Variants in TGFBRAP1 observed in about 807,000 individuals in gnomAD.
TGFBRAP1 encodes transforming growth factor beta receptor associated protein 1.
TGFBRAP1 carries 20 observed loss-of-function variants against 83.2 expected under a neutral mutation model. The ratio of observed to expected loss-of-function variants is 0.24; its 90% confidence interval spans 0.17 to 0.35. TGFBRAP1 has a LOEUF of 0.35. Among genes scored for constraint, TGFBRAP1 ranks in the 10% least tolerant of loss-of-function variants. The probability of loss-of-function intolerance (pLI) is 1.00; values close to 1 mark genes in which losing one functional copy is unlikely to be tolerated. For synonymous variants in TGFBRAP1, 415 were observed against 459.8 expected, an observed-to-expected ratio of 0.90 and a Z score of 1.25; for missense variants, 950 against 1,099.4, an observed-to-expected ratio of 0.86 and a Z score of 1.92.
At chr2:105,306,067 TG>T (rs67017917) in intron 2 of TGFBRAP1, among the ~76,000 whole-genome samples, 22,115 of 126,058 alleles carry the variant, frequency 0.18, 2,212 homozygotes, top group East Asian at 0.39. Context: ...TTTTGTTTTT[TG>T]TTTTTTTTTT....
chr2:105,296,634 G>A, intron 3 of TGFBRAP1, 124 bp from the exon 4 acceptor site: 2 of 1,079,074 alleles, frequency 1.9e-6, no homozygotes, highest in Non-Finnish European at 2.5e-6. Context: ...TTTTCTCAAA[G>A]GAATTCCTAC....
chr2:105,252,055 C>CTTGT, the TGFBRAP1 span, among the ~76,000 whole-genome samples: 2 of 151,044 alleles, frequency 1.3e-5, no homozygotes, highest in Non-Finnish European at 3.0e-5. Context: ...CCTTTGTTCA[C>CTTGT]TTATCTGCTG....
chr2:105,296,173 T>G (rs1678081565), intron 4 of TGFBRAP1, among the ~76,000 whole-genome samples, 183 bp downstream of exon 4: 1 of 152,264 alleles, frequency 6.6e-6, no homozygotes, highest in East Asian at 1.9e-4. Flanking sequence ...ACAAGCTGTT[T>G]GACCGCCCTA....
chr2:105,318,091 A>G (rs539816696), intron 1 of TGFBRAP1, among the ~76,000 whole-genome samples: 1 of 152,314 alleles, frequency 6.6e-6, no homozygotes, highest in Non-Finnish European at 1.5e-5. Flanking sequence ...ATGACTGAGT[A>G]AGCCATGACT....
chr2:105,295,464 A>G (rs182882653), intron 4 of TGFBRAP1, among the ~76,000 whole-genome samples: 2 of 152,332 alleles, frequency 1.3e-5, no homozygotes, highest in African/African-American at 2.4e-5. Context: ...ATTTATATCA[A>G]TTGCATTTAT....
downstream of TGFBRAP1, among the ~76,000 whole-genome samples, chr2:105,262,762 G>A (rs1170584626): frequency 1.3e-5 from 2 of 152,126 alleles, no homozygotes; most frequent in Non-Finnish European, 2.9e-5. Flanking sequence ...TTACGACTCT[G>A]GACTGCAGGC....
At chr2:105,323,756 G>T (rs1384351546) in intron 1 of TGFBRAP1, among the ~76,000 whole-genome samples, 1 of 152,150 alleles carries the variant, frequency 6.6e-6, no homozygotes, top group Non-Finnish European at 1.5e-5. Context: ...TCCCATGGGG[G>T]GTTTGATAGG....
At chr2:105,310,684 C>A (rs1678661628) in intron 1 of TGFBRAP1, among the ~76,000 whole-genome samples, 1 of 152,146 alleles carries the variant, frequency 6.6e-6, no homozygotes. Context: ...TAAACAACAT[C>A]ATGTATTTGT....
rs577434719 is a variant in TGFBRAP1, at chr2:105,308,136, C to T, written c.166G>A (p.Val56Met). The change falls in exon 2 of 12, where the codon GTG becomes ATG. Residue 56 changes from valine (V) to methionine (M), a missense_variant. Val to Met is a conservative substitution (Grantham distance 21). Transcript: ENST00000393359. The stretch of plus-strand genomic sequence containing the variant: ...GTGAACGTGGCTGGCCCAGCAGGCA[C>T]TGGCCTCTCCTCCAACAGGAAGTGG... ...VYHFLLEERP[V>M]PAGPATFTAT... 60 of 1,614,182 alleles carry T rather than the reference C, an allele frequency of 3.7e-5. 1 individual carries two copies. In the South Asian group the frequency reaches 6.4e-4, roughly 17 times the overall value.
the TGFBRAP1 span, among the ~76,000 whole-genome samples, chr2:105,250,889 C>T: frequency 5.3e-5 from 8 of 152,356 alleles, no homozygotes; most frequent in Admixed American, 2.0e-4. Flanking sequence ...CTCCTAACCG[C>T]GAGTGATCTG....
intron 1 of TGFBRAP1, 142 bp downstream of exon 1, chr2:105,329,483 A>G (rs1173287210): frequency 2.5e-5 from 1 of 40,038 alleles, no homozygotes; most frequent in Non-Finnish European, 5.4e-5. Flanking sequence ...AGCCCCCACT[A>G]CACCTGCCCC....
At position 105,307,569 on chromosome 2, in the gene TGFBRAP1, C is replaced by T. The variant is rs371826241; in HGVS notation, c.688+45G>A. The T allele has an allele frequency of 4.4e-4, 683 of 1,550,806 alleles. 2 individuals carry two copies. The highest frequency in any genetic ancestry group is 5.5e-4 in the Non-Finnish European group (629 of 1,151,204). ...CTCTCCAGTTTCAACACGCAGTCAC[C>T]GAGGCCACCCAAAAAGATCAGGCGC... On this transcript the variant is annotated intron_variant, in intron 2 of 11. Coordinates refer to ENST00000393359, the MANE Select transcript of TGFBRAP1 (RefSeq NM_004257.6).
chr2:105,284,464 T>C, intron 4 of TGFBRAP1, 66 bp from the exon 5 acceptor site: 2 of 1,455,716 alleles, frequency 1.4e-6, no homozygotes, highest in Admixed American at 1.7e-5. Flanking sequence ...GTTAAATTTG[T>C]CTAACCCTAG....
chr2:105,261,080 G>A (rs1676777442), downstream of TGFBRAP1, among the ~76,000 whole-genome samples: 3 of 152,196 alleles, frequency 2.0e-5, no homozygotes, highest in Admixed American at 2.0e-4. Flanking sequence ...GTCAATAGCT[G>A]CCTGTAAGTC....
chr2:105,259,399 A>C (rs1676738570), downstream of TGFBRAP1, among the ~76,000 whole-genome samples: 1 of 152,150 alleles, frequency 6.6e-6, no homozygotes, highest in African/African-American at 2.4e-5. Flanking sequence ...AGTGAGGATA[A>C]ATGTCCCCTT....
chr2:105,252,919 A>AT, the TGFBRAP1 span, among the ~76,000 whole-genome samples: 16 of 150,030 alleles, frequency 1.1e-4, no homozygotes, highest in African/African-American at 1.7e-4. Context: ...CACCCGGACA[A>AT]TTTTTTTTGT....
At chr2:105,258,421 A>G in the TGFBRAP1 span, among the ~76,000 whole-genome samples, 1 of 151,796 alleles carries the variant, frequency 6.6e-6, no homozygotes, top group Non-Finnish European at 1.5e-5. Flanking sequence ...GCATCATCCA[A>G]TCCACTGAGG....
intron 1 of TGFBRAP1, among the ~76,000 whole-genome samples, chr2:105,323,079 C>T (rs886287974): frequency 6.6e-6 from 1 of 152,132 alleles, no homozygotes; most frequent in Non-Finnish European, 1.5e-5. Context: ...GGGTGGTATG[C>T]AACACAGTGG....
chr2:105,327,040 T>G (rs1346595460), intron 1 of TGFBRAP1, among the ~76,000 whole-genome samples: 1 of 152,160 alleles, frequency 6.6e-6, no homozygotes, highest in East Asian at 1.9e-4. Flanking sequence ...CTGAGCCAAA[T>G]TATTCGGCAG....
Sources: gnomAD v4.1 joint callset for allele counts (sites outside exome capture counted in the v4.1 genomes callset) on GRCh38, gnomAD v4.1.1 for gene constraint, MANE v1.5 for transcripts, NCBI Gene and HGNC (gene_info 2026-07-23, HGNC 2026-07-21) for gene names.